The following TUBGCP2 variants were observed in gnomAD, a reference collection of about 807,000 sequenced individuals.
TUBGCP2 encodes the protein gamma-tubulin complex component 2.
Under a neutral mutation model 92.2 loss-of-function variants are expected in TUBGCP2, and 55 were observed. The ratio of observed to expected loss-of-function variants is 0.60; its 90% CI spans 0.48 to 0.75. TUBGCP2 has a LOEUF of 0.75. Among genes scored for constraint, TUBGCP2 ranks in the 30% least tolerant of loss-of-function variants. The pLI is 0.00. For missense variants in TUBGCP2, 1,093 were observed against 1,188.9 expected, an observed-to-expected ratio of 0.92 and a Z score of 1.19; for synonymous variants, 533 against 505.2, an observed-to-expected ratio of 1.06 and a Z score of -0.74.
At position 133,281,341 on chromosome 10, in the gene TUBGCP2, G is replaced by A. The variant is rs767304384; in HGVS notation, c.2505C>T (p.Asp835=). The A allele has an allele frequency of 3.1e-6, 5 of 1,613,586 alleles. No individual in the cohort carries two copies. Among genetic ancestry groups the A allele is most frequent in the Non-Finnish European group, 4.2e-6 (5 of 1,180,016 alleles). Residue 835 remains aspartate (D), a synonymous_variant, in exon 17 of 18, where the codon GAC becomes GAT. Transcript: ENST00000252936. ...TATAGATGCTCAGCCGGGCCAGGAG[G>A]TCCAGCAGGTGGGCTGAGAAGTTCT... is the stretch of plus-strand genomic sequence containing the variant. ...FDKNFSAHLL[D]LLARLSIYST...
At chr10:133,294,289 C>T (rs1029876552) in intron 5 of TUBGCP2, among the ~76,000 whole-genome samples, 1 of 152,252 alleles carries the variant, frequency 6.6e-6, no homozygotes, top group African/African-American at 2.4e-5. Flanking sequence ...CCTCAGGTCC[C>T]AGGACCAAGT....
chr10:133,298,853 C>A (rs957847847), intron 4 of TUBGCP2, among the ~76,000 whole-genome samples: 1 of 152,220 alleles, frequency 6.6e-6, no homozygotes, highest in Non-Finnish European at 1.5e-5. Flanking sequence ...GCACTCAACA[C>A]GCACCCAGGA....
intron 13 of TUBGCP2, 122 bp from the exon 14 acceptor site, chr10:133,284,124 G>A (rs1005389948): frequency 4.8e-6 from 7 of 1,450,146 alleles, no homozygotes; most frequent in Non-Finnish European, 6.4e-6. Flanking sequence ...TATTTCCTCT[G>A]CAGAGCAAGC....
At chr10:133,303,528 C>T (rs934116165) in intron 1 of TUBGCP2, among the ~76,000 whole-genome samples, 3 of 152,164 alleles carry the variant, frequency 2.0e-5, no homozygotes, top group Admixed American at 1.3e-4. Flanking sequence ...TGGTCCCAGA[C>T]GTGAGGCCTG....
intron 15 of TUBGCP2, 87 bp downstream of exon 15, chr10:133,282,991 C>A: frequency 6.5e-7 from 1 of 1,542,600 alleles, no homozygotes; most frequent in Non-Finnish European, 8.8e-7. Flanking sequence ...GGCAGGAAAA[C>A]GTGAGCAGGC....
At position 133,285,645 on chromosome 10, in the gene TUBGCP2, T is replaced by C. The variant is rs751832891; in HGVS notation, c.1723-17A>G. On this transcript the variant is annotated splice_polypyrimidine_tract_variant and intron_variant, in intron 11 of 17. Transcript: ENST00000252936. The surrounding 1 kb of genome is among the most constrained non-coding windows in gnomAD (Gnocchi z 6.8). ...CAGGTCGATCTTGGAGGGAAGGAAA[T>C]GAAACAAAGCATCCAGTTTTAAGGA... The C allele has an allele frequency of 8.5e-5, 127 of 1,498,746 alleles. No homozygotes were observed. The highest frequency in any genetic ancestry group is 1.0e-4 in the Non-Finnish European group (112 of 1,124,430). The allele number at this position is 1,498,746 out of a possible 1,614,324, so 92.8% of individuals were successfully genotyped here.
intron 5 of TUBGCP2, among the ~76,000 whole-genome samples, chr10:133,294,381 C>T (rs1847442336): frequency 6.6e-6 from 1 of 152,196 alleles, no homozygotes; most frequent in Non-Finnish European, 1.5e-5. Flanking sequence ...AAACTGTCCC[C>T]ACGAGGGCCT....
chr10:133,286,580 G>A (rs777596487), intron 11 of TUBGCP2, among the ~76,000 whole-genome samples: 8 of 151,680 alleles, frequency 5.3e-5, no homozygotes, highest in East Asian at 3.9e-4. Flanking sequence ...TCCTCCTCCC[G>A]CGCGCACGGA....
Position 133,288,150 on chromosome 10 carries a change from G to T in TUBGCP2, c.1701C>A (p.Asp567Glu). ...CCACCTTGAGGTCGTCCTTGAAGGG[G>T]TCAGTGTTGGCCGTGCTCATGCGCA... ...LALRMSTANT[D>E]PFKDDLKIDL... Residue 567 changes from aspartate (D) to glutamate (E), a missense_variant, in exon 11 of 18, where the codon GAC becomes GAA. Transcript: ENST00000252936. 6.2e-7 allele frequency: 1 copy of T among 1,613,548 alleles called. No homozygotes were observed. The highest frequency in any genetic ancestry group is 2.2e-5 in the East Asian group (1 of 44,872).
intron 7 of TUBGCP2, among the ~76,000 whole-genome samples, 170 bp from the exon 8 acceptor site, chr10:133,292,858 T>C (rs1262630148): frequency 6.6e-6 from 1 of 152,214 alleles, no homozygotes; most frequent in Non-Finnish European, 1.5e-5. Flanking sequence ...AGCTGACCAG[T>C]AAGAGCTTCC....
upstream of TUBGCP2, among the ~76,000 whole-genome samples, chr10:133,310,856 T>C (rs1589843648): frequency 2.0e-5 from 3 of 152,028 alleles, no homozygotes; most frequent in Non-Finnish European, 4.4e-5. Context: ...GGCTGGAGTG[T>C]AGTGGTGTGA....
intron 9 of TUBGCP2, 43 bp from the exon 10 acceptor site, chr10:133,289,063 A>C (rs1237530305): frequency 1.3e-6 from 2 of 1,583,862 alleles, no homozygotes; most frequent in African/African-American, 2.7e-5. Context: ...CACATGGTCG[A>C]TCTCAGGCCC....
chr10:133,293,082 G>A lies in TUBGCP2; in HGVS notation c.981C>T (p.Tyr327=). The A allele has an allele frequency of 5.6e-6, 9 of 1,613,772 alleles. No individual in the cohort carries two copies. Among genetic ancestry groups the A allele is most frequent in the Non-Finnish European group, 7.6e-6 (9 of 1,180,040 alleles). ...GLLSLQKLWF[Y]IQPAMRTMDI... ...CCATGGTGCGCATGGCTGGCTGGAT[G>A]TAGAACCAGAGCTTCTGCAGCGAAA... Residue 327 remains tyrosine (Y), a synonymous_variant, in exon 7 of 18, where the codon TAC becomes TAT. Transcript: ENST00000252936.
chr10:133,302,564 G>A, intron 2 of TUBGCP2: 1 of 548,832 alleles, frequency 1.8e-6, no homozygotes, highest in South Asian at 2.2e-5. Flanking sequence ...ACTGAGGGGT[G>A]GGTTCACCCT....
intron 2 of TUBGCP2, chr10:133,300,588 A>C (rs1380481721): frequency 1.9e-5 from 3 of 154,222 alleles, no homozygotes; most frequent in East Asian, 3.8e-4. Context: ...ACAAAACAAA[A>C]CAAACCTTAT....
At chr10:133,287,001 C>T (rs1041014953) in intron 11 of TUBGCP2, among the ~76,000 whole-genome samples, 9 of 152,182 alleles carry the variant, frequency 5.9e-5, no homozygotes, top group African/African-American at 2.2e-4. Flanking sequence ...CAGAAAAATA[C>T]AGTCAACAAA....
chr10:133,300,177 T>G lies in TUBGCP2; in HGVS notation c.151-64A>C. ...TAATAAAGCACTGTAAAAAAAAACC[T>G]TTACGAAAATTGAACACAATAAGCC... On this transcript the variant is annotated intron_variant, in intron 2 of 17. Transcript: ENST00000252936. 3.8e-6 allele frequency: 6 copies of G among 1,561,156 alleles called. No individual in the cohort carries two copies. In the South Asian group the frequency reaches 7.1e-5, roughly 18 times the overall value.
At chr10:133,283,282 G>A (rs1239537265) in intron 14 of TUBGCP2, 61 bp from the exon 15 acceptor site, 7 of 1,606,746 alleles carry the variant, frequency 4.4e-6, no homozygotes, top group South Asian at 1.1e-5. Context: ...GGCCCTGCAT[G>A]CGCACGTGCT....
rs1846975330 is a variant in TUBGCP2, at chr10:133,281,443, AG to A, written c.2410-8del. 8 of 1,611,248 alleles carry A rather than the reference AG, an allele frequency of 5.0e-6. No homozygotes were observed. The highest frequency in any genetic ancestry group is 5.1e-6 in the Non-Finnish European group (6 of 1,179,640). On this transcript the variant is annotated splice_region_variant and splice_polypyrimidine_tract_variant and intron_variant, in intron 16 of 17. Transcript: ENST00000252936. The stretch of plus-strand genomic sequence containing the variant: ...CTGCGTGCTCAGCCAGGTGCTGGAA[AG>A]AAAGCCGGGGTGCGTGAGCCATGCC...
Sources: gnomAD v4.1 joint callset for allele counts (sites outside exome capture counted in the v4.1 genomes callset) on GRCh38, gnomAD v4.1.1 for gene constraint, Gnocchi (gnomAD v3.1) non-coding constraint, MANE v1.5 for transcripts, NCBI Gene and HGNC (gene_info 2026-07-23, HGNC 2026-07-21) for gene names.